The following ADGRG7 variants were observed in gnomAD, a reference collection of about 807,000 sequenced individuals.
The protein encoded by ADGRG7 is G-protein coupled receptor 128.
Under a neutral mutation model 88.6 loss-of-function variants are expected in ADGRG7, and 82 were observed. The observed-to-expected ratio is 0.93, with a 90% confidence interval of 0.77 to 1.11. The LOEUF (loss-of-function observed/expected upper bound fraction) is 1.11, where lower values mean the gene tolerates loss of function less well. ADGRG7 is among the 50% of genes most tolerant of loss of function. The pLI, the probability that ADGRG7 is intolerant of heterozygous loss-of-function variation, is 0.00. For synonymous variants in ADGRG7, 381 were observed against 345.2 expected (o/e 1.10, Z -1.15); for missense variants, 945 against 953.4 (o/e 0.99, Z 0.12).
In ADGRG7 at chr3:100,609,948, G is replaced by A. The variant is rs1182417708; in HGVS notation, c.92G>A (p.Arg31Lys). Residue 31 changes from arginine (R) to lysine (K), a missense_variant, in exon 1 of 16, where the codon AGG (arginine) becomes AAG (lysine). Arg to Lys is a conservative substitution (Grantham distance 26). Transcript: ENST00000273352. ...TGIILGLGIW[R>K]IVIRIQRGKS... Reference sequence around the variant, plus strand: ...ATCATTTTGGGACTGGGCATCTGGAGGATTGTGATCAGGATCCAAAGAGGT... The same window carrying A: ...ATCATTTTGGGACTGGGCATCTGGAAGATTGTGATCAGGATCCAAAGAGGT... 1 of 1,613,466 alleles carries A rather than the reference G, an allele frequency of 6.2e-7. No individual in the cohort carries two copies. The highest frequency in any genetic ancestry group is 8.5e-7 in the Non-Finnish European group (1 of 1,179,634).
At chr3:100,676,119 C>G (rs1483189053) in intron 15 of ADGRG7, among the ~76,000 whole-genome samples, 2 of 151,738 alleles carry the variant, frequency 1.3e-5, no homozygotes, top group Non-Finnish European at 2.9e-5. Flanking sequence ...CTGATCTTTA[C>G]TATTTATTTT....
chr3:100,670,066 A>C lies in ADGRG7; in HGVS notation c.2136+961A>C, dbSNP rs139601066. On this transcript the variant is annotated intron_variant, in intron 15 of 15. Coordinates refer to ENST00000273352, the MANE Select transcript of ADGRG7 (RefSeq NM_032787.3). Reference sequence around the variant, plus strand: ...AAAACAAAAATTATTATTAACTATAATCACCCTGTTGTGCTGTCAAATACT... The same window carrying C: ...AAAACAAAAATTATTATTAACTATACTCACCCTGTTGTGCTGTCAAATACT... 3.4e-3 allele frequency among the ~76,000 whole-genome samples: 518 copies of C among 152,092 alleles called. 6 individuals carry two copies. The highest frequency in any genetic ancestry group is 5.0e-3 in the Non-Finnish European group (340 of 67,944).
At chr3:100,621,126 C>G (rs554070535) in intron 1 of ADGRG7, among the ~76,000 whole-genome samples, 2 of 152,166 alleles carry the variant, frequency 1.3e-5, no homozygotes, top group African/African-American at 4.8e-5. Flanking sequence ...TACAGACTGG[C>G]AAATCCCTCA....
chr3:100,675,972 T>A (rs1339883476), intron 15 of ADGRG7, among the ~76,000 whole-genome samples: 1 of 152,096 alleles, frequency 6.6e-6, no homozygotes, highest in Non-Finnish European at 1.5e-5. Context: ...TCATCTCTGA[T>A]CTTATTTATT....
chr3:100,636,473 C>T (rs113873188), intron 5 of ADGRG7, among the ~76,000 whole-genome samples: 1 of 152,208 alleles, frequency 6.6e-6, no homozygotes, highest in South Asian at 2.1e-4. Flanking sequence ...ATTTGCTAAA[C>T]CCTGGTACTT....
intron 3 of ADGRG7, among the ~76,000 whole-genome samples, chr3:100,632,266 T>C (rs1207443211): frequency 1.3e-5 from 2 of 152,110 alleles, no homozygotes; most frequent in Admixed American, 6.6e-5. Context: ...TAATTTTTCT[T>C]TTCTGAACAC....
At chr3:100,654,771 C>T (rs1043304619) in intron 11 of ADGRG7, 64 bp from the exon 12 acceptor site, 6 of 970,124 alleles carry the variant, frequency 6.2e-6, no homozygotes, top group Non-Finnish European at 6.0e-6. Flanking sequence ...AATTTCACTG[C>T]AGTTTGTTTT....
At chr3:100,653,451 T>C (rs758475599) in intron 11 of ADGRG7, among the ~76,000 whole-genome samples, 3 of 152,200 alleles carry the variant, frequency 2.0e-5, no homozygotes, top group Non-Finnish European at 4.4e-5. Context: ...TAAACATGAG[T>C]TCATCTACTA....
intron 6 of ADGRG7, among the ~76,000 whole-genome samples, chr3:100,638,245 C>T (rs1707579388): frequency 6.6e-6 from 1 of 152,146 alleles, no homozygotes; most frequent in South Asian, 2.1e-4. Context: ...AATTAGGTCA[C>T]CTGGACAAAT....
At position 100,643,589 on chromosome 3, in the gene ADGRG7, C is replaced by A. The variant is rs1364467232; in HGVS notation, c.902C>A (p.Pro301Gln). ...CATACAAATGTGGATGGCCTTAACCCAGATGCACAGACTGAGCTTCAGGTC... is the reference window on the plus strand; with the variant it reads ...CATACAAATGTGGATGGCCTTAACCAAGATGCACAGACTGAGCTTCAGGTC... ...FIHTNVDGLNPDAQTELQVLL... is the reference protein window; with the variant it reads ...FIHTNVDGLNQDAQTELQVLL... The change falls in exon 8 of 16, where the codon CCA (proline) becomes CAA (glutamine). Residue 301 changes from proline to glutamine, a missense_variant. Coordinates refer to ENST00000273352, the MANE Select transcript of ADGRG7 (RefSeq NM_032787.3). 2.1e-5 allele frequency: 34 copies of A among 1,613,906 alleles called. No individual in the cohort carries two copies. The highest frequency in any genetic ancestry group is 2.8e-5 in the Non-Finnish European group (33 of 1,179,880).
chr3:100,652,778 TAC>T lies in ADGRG7; in HGVS notation c.1380-2044_1380-2043del, dbSNP rs752275107. ...ACACACACCACACCATATACACACA[TAC>T]ACACACACACACTCATACACATTCA... On this transcript the variant is annotated intron_variant, in intron 11 of 15. Transcript: ENST00000273352. 2.0e-5 allele frequency among the ~76,000 whole-genome samples: 3 copies of T among 150,878 alleles called. No individual in the cohort carries two copies. In the East Asian group the frequency reaches 5.8e-4, roughly 29 times the overall value.
At chr3:100,690,229 T>C (rs1456728885) in intron 15 of ADGRG7, among the ~76,000 whole-genome samples, 1 of 152,228 alleles carries the variant, frequency 6.6e-6, no homozygotes, top group African/African-American at 2.4e-5. Flanking sequence ...CTCCATCACG[T>C]CCTTTAAGGA....
chr3:100,610,067 C>A, intron 1 of ADGRG7, 96 bp downstream of exon 1: 1 of 915,354 alleles, frequency 1.1e-6, no homozygotes. Context: ...GTACCTTGTC[C>A]AGTCTGAGGC....
Position 100,646,206 on chromosome 3 carries a change from GAATA to G in ADGRG7, c.1110+99_1110+102del. 1.8e-5 allele frequency: 3 copies of G among 166,092 alleles called. No individual in the cohort carries two copies. In the South Asian group the frequency reaches 1.8e-4, roughly 10 times the overall value. The allele number at this position is 166,092 out of a possible 1,614,324, so 10.3% of individuals were successfully genotyped here. On this transcript the variant is annotated intron_variant, in intron 9 of 15. Coordinates refer to ENST00000273352, the MANE Select transcript of ADGRG7 (RefSeq NM_032787.3). ...AGTAGAGTAATACAGGGGAAGAAGA[GAATA>G]GGAGGGCGGGGGGGAGGGTTTTCCA...
At chr3:100,646,844 A>G in intron 10 of ADGRG7, 120 bp downstream of exon 10, 2 of 891,014 alleles carry the variant, frequency 2.2e-6, no homozygotes, top group Non-Finnish European at 3.4e-6. Flanking sequence ...CTCAGATTAA[A>G]TAGAAAAACA....
intron 15 of ADGRG7, among the ~76,000 whole-genome samples, chr3:100,672,690 G>A (rs548351617): frequency 6.6e-6 from 1 of 152,060 alleles, no homozygotes; most frequent in South Asian, 2.1e-4. Flanking sequence ...ATTGGCTGTG[G>A]GTTTGTCATA....
At chr3:100,644,711 TG>T (rs959320612) in intron 8 of ADGRG7, among the ~76,000 whole-genome samples, 3 of 152,032 alleles carry the variant, frequency 2.0e-5, no homozygotes, top group African/African-American at 7.2e-5. Flanking sequence ...AAATTTTTTT[TG>T]TAGAGACAGA....
intron 1 of ADGRG7, among the ~76,000 whole-genome samples, chr3:100,621,766 G>T (rs1399512774): frequency 1.3e-5 from 2 of 152,210 alleles, no homozygotes; most frequent in Non-Finnish European, 1.5e-5. Context: ...GATTTTCAGT[G>T]TATAAAACAG....
chr3:100,609,714 T>C lies in ADGRG7; in HGVS notation c.-143T>C. 1.7e-6 allele frequency: 1 copy of C among 595,268 alleles called. No homozygotes were observed. Among genetic ancestry groups the C allele is most frequent in the South Asian group, 1.9e-5 (1 of 51,392 alleles). The allele number at this position is 595,268 out of a possible 1,614,324, so 36.9% of individuals were successfully genotyped here. On this transcript the variant is annotated 5_prime_UTR_variant, in exon 1 of 16. Coordinates refer to ENST00000273352, the MANE Select transcript of ADGRG7 (RefSeq NM_032787.3). ...TGGATTAGCCTCAAAAGTCCTAAAA[T>C]ACAAAGACATCCATCTGACAGATCA...
Sources: gnomAD v4.1 joint callset for allele counts (sites outside exome capture counted in the v4.1 genomes callset) on GRCh38, gnomAD v4.1.1 for gene constraint, MANE v1.5 for transcripts, NCBI Gene and HGNC (gene_info 2026-07-23, HGNC 2026-07-21) for gene names.